The following EIPR1 variants were observed in gnomAD, a reference collection of about 807,000 sequenced individuals.
The protein encoded by EIPR1 is EARP complex and GARP complex interacting protein 1, also known as EARP and GARP complex-interacting protein 1.
Under a neutral mutation model 48.1 loss-of-function variants are expected in EIPR1, and 25 were observed. The observed-to-expected ratio is 0.52, with a 90% confidence interval of 0.38 to 0.73. EIPR1 has a LOEUF of 0.73. Among genes scored for constraint, EIPR1 ranks in the 30% least tolerant of loss-of-function variants. The probability of loss-of-function intolerance (pLI) is 0.00; values close to 1 mark genes in which losing one functional copy is unlikely to be tolerated. For synonymous variants in EIPR1, 204 were observed against 201.9 expected (o/e 1.01, Z -0.09); for missense variants, 415 against 506.2 (o/e 0.82, Z 1.73).
chr2:3,277,837 G>T (rs530082399), intron 3 of EIPR1, among the ~76,000 whole-genome samples: 1 of 152,326 alleles, frequency 6.6e-6, no homozygotes, highest in South Asian at 2.1e-4. Context: ...GGTGAGCATG[G>T]AAAGGAGCTA....
intron 3 of EIPR1, among the ~76,000 whole-genome samples, chr2:3,271,634 A>C (rs545490334): frequency 6.1e-4 from 93 of 152,344 alleles, no homozygotes; most frequent in African/African-American, 2.2e-3. Flanking sequence ...GGCTTAAAAC[A>C]TTCACTAAAC....
At chr2:3,321,907 C>T (rs1185459389) in intron 3 of EIPR1, among the ~76,000 whole-genome samples, 3 of 152,210 alleles carry the variant, frequency 2.0e-5, no homozygotes, top group Non-Finnish European at 4.4e-5. Flanking sequence ...GTGGAAATCT[C>T]CACAAAGGCC....
intron 2 of EIPR1, among the ~76,000 whole-genome samples, chr2:3,339,623 A>G (rs1363276978): frequency 6.6e-6 from 1 of 152,210 alleles, no homozygotes; most frequent in African/African-American, 2.4e-5. Flanking sequence ...TCCTCACGAC[A>G]GTGAATTCTC....
At chr2:3,239,159 G>A (rs1357874670) in intron 4 of EIPR1, among the ~76,000 whole-genome samples, 1 of 152,218 alleles carries the variant, frequency 6.6e-6, no homozygotes, top group African/African-American at 2.4e-5. Context: ...AGAGTGGATC[G>A]ACAGGGACAA....
intron 3 of EIPR1, among the ~76,000 whole-genome samples, chr2:3,266,307 T>C (rs1040817082): frequency 6.6e-6 from 1 of 152,162 alleles, no homozygotes; most frequent in African/African-American, 2.4e-5. Flanking sequence ...CCCGCAGCCA[T>C]CTCTGAGTCT....
At chr2:3,268,533 G>A (rs998659996) in intron 3 of EIPR1, among the ~76,000 whole-genome samples, 2 of 152,120 alleles carry the variant, frequency 1.3e-5, no homozygotes, top group Admixed American at 1.3e-4. Context: ...CACATCTGAC[G>A]CCTGTGACTC....
chr2:3,285,566 G>A (rs1572396548), intron 3 of EIPR1, among the ~76,000 whole-genome samples: 1 of 152,214 alleles, frequency 6.6e-6, no homozygotes, highest in African/African-American at 2.4e-5. Context: ...AAGCTCTGCC[G>A]ACCACATGGA....
At position 3,337,398 on chromosome 2, in the gene EIPR1, A is replaced by C. The variant is rs564107021; in HGVS notation, c.259+619T>G. ...CCACAAAGAATTTGTTCTGGCTTAC[A>C]TGGTAGAGAAAGAGATCCTAGGAGA... On this transcript the variant is annotated intron_variant, in intron 3 of 8. Coordinates refer to ENST00000382125, the MANE Select transcript of EIPR1 (RefSeq NM_003310.5). Among the ~76,000 whole-genome samples the C allele has an allele frequency of 6.6e-5, 10 of 152,364 alleles. No homozygotes were observed. The South Asian group carries it at 1.9e-3, about 28-fold the overall frequency.
In EIPR1 at chr2:3,286,642, T is replaced by G. The variant is rs1430893362; in HGVS notation, c.260-29187A>C. 6.6e-6 allele frequency among the ~76,000 whole-genome samples: 1 copy of G among 152,106 alleles called. No individual in the cohort carries two copies. Among genetic ancestry groups the G allele is most frequent in the African/African-American group, 2.4e-5 (1 of 41,422 alleles). On this transcript the variant is annotated intron_variant, in intron 3 of 8. Coordinates refer to ENST00000382125, the MANE Select transcript of EIPR1 (RefSeq NM_003310.5). This position sits in a 1 kb window ranked among gnomAD's most constrained non-coding sequence, Gnocchi z 4.2. Reference sequence around the variant, plus strand: ...GAGCAGGGGATCTCACAGTCCAGAGTGCCCCGCAGAGCACCCGAGACAGCG... The same window carrying G: ...GAGCAGGGGATCTCACAGTCCAGAGGGCCCCGCAGAGCACCCGAGACAGCG...
intron 4 of EIPR1, among the ~76,000 whole-genome samples, chr2:3,230,780 G>A (rs1666219773): frequency 1.3e-5 from 2 of 152,198 alleles, no homozygotes; most frequent in African/African-American, 4.8e-5. Flanking sequence ...AAATTAGGAA[G>A]TGGAATGTCT....
intron 1 of EIPR1, among the ~76,000 whole-genome samples, chr2:3,363,141 G>A (rs990898790): frequency 4.6e-5 from 7 of 151,870 alleles, no homozygotes; most frequent in African/African-American, 1.4e-4. Context: ...GATGGGGGCC[G>A]GGCCCAGCTC....
chr2:3,285,671 C>T (rs941740202), intron 3 of EIPR1, among the ~76,000 whole-genome samples: 1 of 150,418 alleles, frequency 6.6e-6, no homozygotes, highest in Non-Finnish European at 1.5e-5. Context: ...TCTCCGGGAC[C>T]CTCGCACGGA....
intron 3 of EIPR1, among the ~76,000 whole-genome samples, chr2:3,273,045 T>C (rs531203835): frequency 1.3e-5 from 2 of 152,354 alleles, no homozygotes; most frequent in South Asian, 2.1e-4. Flanking sequence ...AAACAGCTAC[T>C]AGGCGGTTTG....
At chr2:3,211,824 T>C (rs976702103) in intron 5 of EIPR1, among the ~76,000 whole-genome samples, 2 of 152,180 alleles carry the variant, frequency 1.3e-5, no homozygotes, top group Non-Finnish European at 2.9e-5. Context: ...ATTTATTTCG[T>C]GGCGAGTGAA....
intron 3 of EIPR1, among the ~76,000 whole-genome samples, chr2:3,303,927 T>C (rs1668836399): frequency 6.6e-6 from 1 of 152,224 alleles, no homozygotes; most frequent in African/African-American, 2.4e-5. Context: ...TACAGTCATA[T>C]AATTTGGGTT....
In EIPR1 at chr2:3,241,955, A is replaced by G. The variant is rs569233868; in HGVS notation, c.416+15344T>C. Among the ~76,000 whole-genome samples the G allele has an allele frequency of 9.2e-5, 14 of 152,230 alleles. 1 individual carries two copies. The highest frequency in any genetic ancestry group is 2.1e-4 in the Non-Finnish European group (14 of 68,032). On this transcript the variant is annotated intron_variant, in intron 4 of 8. Transcript: ENST00000382125. ...GGTGGGGATAACTCTAGGGACACCA[A>G]GAAATTCTCAGAACAACCTCAACAC... is the stretch of plus-strand genomic sequence containing the variant.
At chr2:3,265,445 A>C (rs1667457581) in intron 3 of EIPR1, among the ~76,000 whole-genome samples, 1 of 152,176 alleles carries the variant, frequency 6.6e-6, no homozygotes. Flanking sequence ...AACAGTGTTC[A>C]ACACACATCC....
intron 5 of EIPR1, among the ~76,000 whole-genome samples, chr2:3,211,515 T>C (rs182278492): frequency 2.0e-5 from 3 of 152,362 alleles, no homozygotes; most frequent in East Asian, 1.9e-4. Context: ...TGGCGTTGGC[T>C]GCAAGGACCA....
chr2:3,229,875 T>G (rs1473836618), intron 4 of EIPR1, among the ~76,000 whole-genome samples: 1 of 152,246 alleles, frequency 6.6e-6, no homozygotes, highest in Non-Finnish European at 1.5e-5. Flanking sequence ...CTTACATCAT[T>G]GTCCAGTTTC....
Sources: gnomAD v4.1 joint callset for allele counts (sites outside exome capture counted in the v4.1 genomes callset) on GRCh38, gnomAD v4.1.1 for gene constraint, Gnocchi (gnomAD v3.1) non-coding constraint, MANE v1.5 for transcripts, NCBI Gene and HGNC (gene_info 2026-07-23, HGNC 2026-07-21) for gene names.